Variants in LPAR1 observed in about 807,000 individuals in gnomAD.
LPAR1 encodes the protein lysophosphatidic acid receptor 1.
Under a neutral mutation model 23.8 loss-of-function variants are expected in LPAR1, and 5 were observed. The ratio of observed to expected loss-of-function variants is 0.21; its 90% CI spans 0.11 to 0.44. The LOEUF (loss-of-function observed/expected upper bound fraction) is 0.44, where lower values mean the gene tolerates loss of function less well. Among genes scored for constraint, LPAR1 ranks in the 20% least tolerant of loss-of-function variants. The pLI is 0.99. For synonymous variants in LPAR1, 160 were observed against 164.7 expected (o/e 0.97, Z 0.22); for missense variants, 311 against 482.8 (o/e 0.64, Z 3.33).
At chr9:110,989,744 C>T (rs905133242) in intron 2 of LPAR1, among the ~76,000 whole-genome samples, 5 of 151,964 alleles carry the variant, frequency 3.3e-5, no homozygotes, top group African/African-American at 1.2e-4. Flanking sequence ...TATGAAAACA[C>T]ATATATATAC....
At chr9:110,891,094 A>T (rs2133200805) in intron 5 of LPAR1, among the ~76,000 whole-genome samples, 1 of 152,344 alleles carries the variant, frequency 6.6e-6, no homozygotes, top group Non-Finnish European at 1.5e-5. Context: ...AAAAAGTGAT[A>T]AACAATTGAA....
At position 111,024,959 on chromosome 9, in the gene LPAR1, T is replaced by C. The variant is rs546249498; in HGVS notation, c.-182+11163A>G. Among the ~76,000 whole-genome samples the C allele has an allele frequency of 7.6e-4, 115 of 152,314 alleles. 1 individual carries two copies. The Middle Eastern group carries it at 0.014, about 18-fold the overall frequency. On this transcript the variant is annotated intron_variant, in intron 2 of 5. Transcript: ENST00000683809. Reference sequence around the variant, plus strand: ...TTATCCAGTCTATCATTGATGGGCATTTGGGTTGGTTTCAAGTCTTTGCTA... The same window carrying C: ...TTATCCAGTCTATCATTGATGGGCACTTGGGTTGGTTTCAAGTCTTTGCTA...
At chr9:111,004,154 G>A (rs563479413) in intron 2 of LPAR1, among the ~76,000 whole-genome samples, 27 of 152,112 alleles carry the variant, frequency 1.8e-4, no homozygotes, top group African/African-American at 3.1e-4. Flanking sequence ...GATAGTCACC[G>A]TCACCAATTT....
chr9:110,940,356 T>A (rs191314372), intron 5 of LPAR1, among the ~76,000 whole-genome samples: 1 of 152,228 alleles, frequency 6.6e-6, no homozygotes, highest in East Asian at 1.9e-4. Context: ...ATTCCCAGAG[T>A]TTCAGAGGAG....
chr9:111,005,446 G>A (rs1203437986), intron 2 of LPAR1, among the ~76,000 whole-genome samples: 1 of 149,748 alleles, frequency 6.7e-6, no homozygotes, highest in Non-Finnish European at 1.5e-5. Context: ...TACTCGGGAG[G>A]CTGAGGTGAG....
intron 2 of LPAR1, among the ~76,000 whole-genome samples, chr9:111,009,998 A>AAAAT (rs2097298554): frequency 8.1e-6 from 1 of 123,436 alleles, no homozygotes; most frequent in Non-Finnish European, 1.6e-5. Context: ...TAATTAGGAA[A>AAAAT]ATATATATAT....
At chr9:110,962,932 AC>A (rs1466575582) in intron 4 of LPAR1, among the ~76,000 whole-genome samples, 1 of 152,228 alleles carries the variant, frequency 6.6e-6, no homozygotes, top group Non-Finnish European at 1.5e-5. Context: ...GTGGAAAAAA[AC>A]AGCAGGCCAC....
chr9:110,990,564 C>A (rs964552238), intron 2 of LPAR1, among the ~76,000 whole-genome samples: 1 of 151,842 alleles, frequency 6.6e-6, no homozygotes, highest in African/African-American at 2.4e-5. Flanking sequence ...AAGAGGAAAA[C>A]AAAACATATC....
Position 110,875,666 on chromosome 9 carries a change from A to C in LPAR1, c.850T>G (p.Cys284Gly). ...TAGGCCAGCACGTCGCACTGTGGAC[A>C]GCACACGTCTAGAAGTAACAAAACC... ...GLVLLLLDVC[C>G]PQCDVLAYEK... Residue 284 changes from cysteine to glycine, a missense_variant, in exon 6 of 6, where the codon TGT becomes GGT. Around this residue, in one of 2 missense-constraint regions of LPAR1, gnomAD observed 250 missense variants for 427.2 expected, o/e 0.59. Coordinates refer to ENST00000683809, the MANE Select transcript of LPAR1 (RefSeq NM_001351411.2). The C allele has an allele frequency of 6.2e-7, 1 of 1,613,980 alleles. No homozygotes were observed. The highest frequency in any genetic ancestry group is 8.5e-7 in the Non-Finnish European group (1 of 1,179,890).
intron 2 of LPAR1, among the ~76,000 whole-genome samples, chr9:111,009,697 T>A (rs2097289988): frequency 6.6e-6 from 1 of 151,772 alleles, no homozygotes; most frequent in African/African-American, 2.4e-5. Context: ...ATACTGGGCA[T>A]ATATATATGT....
chr9:111,029,997 G>C (rs2097767862), intron 2 of LPAR1, among the ~76,000 whole-genome samples: 1 of 131,944 alleles, frequency 7.6e-6, no homozygotes, highest in Admixed American at 9.4e-5. Context: ...AGTGAGCCAA[G>C]ATCGTGCCAT....
intron 2 of LPAR1, among the ~76,000 whole-genome samples, chr9:110,992,546 A>T (rs1322491022): frequency 6.6e-6 from 1 of 152,246 alleles, no homozygotes; most frequent in Non-Finnish European, 1.5e-5. Flanking sequence ...AAATGCTTCT[A>T]GTAGTTTTAT....
chr9:111,033,793 T>C (rs1402927700), intron 2 of LPAR1, among the ~76,000 whole-genome samples: 1 of 152,156 alleles, frequency 6.6e-6, no homozygotes, highest in African/African-American at 2.4e-5. Context: ...CCTCAGGTGA[T>C]CCACCCGCCT....
chr9:111,034,703 C>A (rs2097859811), intron 2 of LPAR1, among the ~76,000 whole-genome samples: 2 of 152,286 alleles, frequency 1.3e-5, no homozygotes, highest in South Asian at 4.2e-4. Flanking sequence ...CTCCATCCAT[C>A]ATCGCACCCC....
intron 2 of LPAR1, among the ~76,000 whole-genome samples, chr9:111,027,288 G>T (rs750838110): frequency 2.1e-4 from 32 of 152,156 alleles, no homozygotes; most frequent in Non-Finnish European, 3.7e-4. Flanking sequence ...GAGAGTTCAA[G>T]ACTAGCCTGG....
chr9:111,012,363 G>C (rs2097347229), intron 2 of LPAR1, among the ~76,000 whole-genome samples: 1 of 152,002 alleles, frequency 6.6e-6, no homozygotes, highest in Non-Finnish European at 1.5e-5. Context: ...CACATCTCTG[G>C]CATTTCTGAT....
At position 110,905,337 on chromosome 9, in the gene LPAR1, C is replaced by T. The variant is rs547780319; in HGVS notation, c.794-29615G>A. Among the ~76,000 whole-genome samples, 3 of 143,356 alleles carry T rather than the reference C, an allele frequency of 2.1e-5. No individual in the cohort carries two copies. In the South Asian group the frequency reaches 6.4e-4, roughly 31 times the overall value. The allele number at this position is 143,356 out of a possible 152,430, so 94.0% of individuals were successfully genotyped here. A position where few individuals can be genotyped will look rare whatever the true frequency, so the allele number is the denominator to read the frequency against. ...GCATTTAAAACAAAATATGCCTTTG[C>T]TTTTTTTTATTATTTTTTTTTTTTT... is the stretch of plus-strand genomic sequence containing the variant. On this transcript the variant is annotated intron_variant, in intron 5 of 5. Transcript: ENST00000683809.
chr9:110,915,092 G>A (rs547064458), intron 5 of LPAR1, among the ~76,000 whole-genome samples: 1 of 151,970 alleles, frequency 6.6e-6, no homozygotes, highest in Admixed American at 6.6e-5. Flanking sequence ...TAATTTTGAT[G>A]GTTTTTAAAC....
intron 2 of LPAR1, among the ~76,000 whole-genome samples, chr9:111,024,175 A>T (rs2097633238): frequency 6.6e-6 from 1 of 152,070 alleles, no homozygotes; most frequent in Non-Finnish European, 1.5e-5. Flanking sequence ...GTAGAAAAAA[A>T]TCCTGAGTTG....
Sources: allele counts gnomAD v4.1 joint callset (sites outside exome capture counted in the v4.1 genomes callset), GRCh38; gene constraint gnomAD v4.1.1; regional missense constraint gnomAD v4.1.1; transcripts MANE v1.5; gene names NCBI Gene and HGNC (gene_info 2026-07-23, HGNC 2026-07-21).